NRK: variants seen among roughly 807,000 people sequenced by gnomAD.
NRK encodes the protein Nik related kinase.
NRK carries 67 observed loss-of-function variants against 125.2 expected under a neutral mutation model. The ratio of observed to expected loss-of-function variants is 0.54; its 90% CI spans 0.44 to 0.66. The LOEUF is 0.66. Ranked by LOEUF, NRK falls within the 30% of genes least tolerant of loss-of-function variation. NRK has a pLI of 0.00. For missense variants in NRK, 1,224 were observed against 1,192.9 expected (o/e 1.03, Z -0.38); for synonymous variants, 458 against 429.0 (o/e 1.07, Z -0.84).
At position 105,935,116 on chromosome X, in the gene NRK, A is replaced by G. The variant is rs1602690932; in HGVS notation, c.3500-54A>G. 5 of 979,890 alleles carry G rather than the reference A, an allele frequency of 5.1e-6. No homozygotes were observed. The East Asian group carries it at 1.2e-4, about 24-fold the overall frequency. The allele number at this position is 979,890 out of a possible 1,213,427, so 80.8% of individuals were successfully genotyped here. A position where few individuals can be genotyped will look rare whatever the true frequency, so the allele number is the denominator to read the frequency against. ...CTTTAAAAAAAAATTCTGTAACTCC[A>G]TCATGCACAGAACTAGTAATTTCCC... On this transcript the variant is annotated intron_variant, in intron 20 of 28. Coordinates refer to ENST00000243300, the MANE Select transcript of NRK (RefSeq NM_198465.4).
chrX:105,843,698 G>A (rs1223445002), intron 2 of NRK, among the ~76,000 whole-genome samples: 1 of 111,406 alleles, frequency 9.0e-6, no homozygotes, highest in Non-Finnish European at 1.9e-5. Flanking sequence ...CCAAGTATAA[G>A]GATGGCTTCA....
At chrX:105,928,034 CT>C (rs1477077277) in intron 19 of NRK, among the ~76,000 whole-genome samples, 1 of 111,496 alleles carries the variant, frequency 9.0e-6, no homozygotes, top group African/African-American at 3.3e-5. Flanking sequence ...ATTCCCTTCC[CT>C]TCAACTTTTT....
At chrX:105,955,057 A>T (rs1486125446) in intron 28 of NRK, among the ~76,000 whole-genome samples, 2 of 111,784 alleles carry the variant, frequency 1.8e-5, no homozygotes, top group African/African-American at 6.5e-5. Flanking sequence ...ATGAAAAGAA[A>T]AAAAAAGAAA....
intron 24 of NRK, among the ~76,000 whole-genome samples, chrX:105,944,582 C>T (rs887181512): frequency 9.0e-6 from 1 of 111,484 alleles, no homozygotes; most frequent in East Asian, 2.8e-4. Context: ...CAAACACAGG[C>T]TTTGGGTGCC....
At chrX:105,824,544 A>G (rs1018313052) in intron 1 of NRK, among the ~76,000 whole-genome samples, 7 of 109,025 alleles carry the variant, frequency 6.4e-5, no homozygotes, top group African/African-American at 2.0e-4. Flanking sequence ...GGTGAGTGGT[A>G]AAGACGTCAT....
chrX:105,870,292 A>G (rs1051756934), intron 2 of NRK, among the ~76,000 whole-genome samples: 1 of 111,537 alleles, frequency 9.0e-6, no homozygotes, highest in African/African-American at 3.3e-5. Context: ...GTGTTATCAG[A>G]GGGTTTGAAA....
intron 2 of NRK, among the ~76,000 whole-genome samples, chrX:105,840,361 G>T (rs1424183075): frequency 9.0e-6 from 1 of 111,623 alleles, no homozygotes; most frequent in Non-Finnish European, 1.9e-5. Context: ...TATGTATTTG[G>T]TGTATTTGGG....
intron 16 of NRK, among the ~76,000 whole-genome samples, chrX:105,918,371 T>C (rs1414849060): frequency 9.0e-6 from 1 of 111,185 alleles, no homozygotes; most frequent in African/African-American, 3.3e-5. Context: ...AAGGGAAAAA[T>C]GGCTGATTGA....
At chrX:105,884,437 A>G (rs140473489) in intron 4 of NRK, among the ~76,000 whole-genome samples, 10 of 111,512 alleles carry the variant, frequency 9.0e-5, no homozygotes, top group African/African-American at 2.9e-4. Context: ...TACAGAGCCT[A>G]GTGCACTGCT....
intron 2 of NRK, among the ~76,000 whole-genome samples, chrX:105,862,555 C>A (rs1371622074): frequency 8.9e-6 from 1 of 112,163 alleles, no homozygotes; most frequent in Non-Finnish European, 1.9e-5. Flanking sequence ...CTCTGAAGTT[C>A]TTTCTTCCTC....
intron 19 of NRK, among the ~76,000 whole-genome samples, chrX:105,925,819 A>C (rs755548503): frequency 1.7e-4 from 19 of 111,137 alleles, no homozygotes; most frequent in Non-Finnish European, 3.4e-4. Flanking sequence ...TTCTGTATAT[A>C]TGTCATGTTT....
rs746202742 is a variant in NRK, at chrX:105,953,088, G to A, written c.4568G>A (p.Arg1523His). 1.3e-5 allele frequency: 16 copies of A among 1,195,176 alleles called. No individual in the cohort carries two copies. The highest frequency in any genetic ancestry group is 5.3e-5 in the African/African-American group (3 of 57,018). ...TGGGGCCAAAAGGCCATTGAAGTGC[G>A]CTCTTTGCAATCCAGGGTTCTGGAA... is the stretch of plus-strand genomic sequence containing the variant. ...TGWGQKAIEV[R>H]SLQSRVLESE... The change falls in exon 28 of 29, where the codon CGC becomes CAC. Residue 1523 changes from arginine (R) to histidine (H), a missense_variant. By Grantham distance (29) the Arg-to-His change is conservative. Transcript: ENST00000243300.
chrX:105,937,765 T>C (rs1261359009), intron 22 of NRK, among the ~76,000 whole-genome samples, 183 bp downstream of exon 22: 1 of 111,647 alleles, frequency 9.0e-6, no homozygotes, highest in African/African-American at 3.3e-5. Flanking sequence ...TAACTTCCTT[T>C]TATTGTAAAG....
chrX:105,828,799 GC>G (rs2039148848), intron 1 of NRK, among the ~76,000 whole-genome samples: 1 of 111,596 alleles, frequency 9.0e-6, no homozygotes, highest in Admixed American at 9.5e-5. Context: ...AAAGTGATAT[GC>G]TTAATAATAA....
chrX:105,844,035 G>GTGTGTGTGTC (rs2039369359), intron 2 of NRK, among the ~76,000 whole-genome samples: 1 of 107,384 alleles, frequency 9.3e-6, no homozygotes, highest in African/African-American at 3.4e-5. Context: ...GTGTGTGTGT[G>GTGTGTGTGTC]TGTGTGTCTG....
chrX:105,881,773 A>G lies in NRK; in HGVS notation c.246A>G (p.Arg82=). Residue 82 remains arginine, a synonymous_variant, in exon 4 of 29, where the codon AGA becomes AGG. Transcript: ENST00000243300. ...VNKYQKSVGW[R]YSDEEEDLRT... ...AATATCAAAAATCTGTTGGGTGGAG[A>G]TACAGTGTGAGTACTAAAAGTTCTC... 1.8e-6 allele frequency: 2 copies of G among 1,105,745 alleles called. No individual in the cohort carries two copies. Among genetic ancestry groups the G allele is most frequent in the Non-Finnish European group, 2.5e-6 (2 of 815,839 alleles). 91.1% of individuals were successfully genotyped at this position (1,105,745 alleles called of 1,213,427 possible).
intron 5 of NRK, 47 bp from the exon 6 acceptor site, chrX:105,893,785 C>A: frequency 1.3e-6 from 1 of 788,227 alleles, no homozygotes; most frequent in Non-Finnish European, 1.9e-6. Flanking sequence ...CAGATATTTT[C>A]AGAAAATTGG....
chrX:105,826,114 GAT>G (rs760912366), intron 1 of NRK, among the ~76,000 whole-genome samples: 89 of 88,882 alleles, frequency 1.0e-3, no homozygotes, highest in Non-Finnish European at 1.3e-3. Context: ...ATGTTTGGGT[GAT>G]ATATATATAT....
At chrX:105,897,711 A>G (rs1380746422) in intron 7 of NRK, among the ~76,000 whole-genome samples, 3 of 112,248 alleles carry the variant, frequency 2.7e-5, no homozygotes, top group Admixed American at 9.4e-5. Context: ...ACAACACCCA[A>G]TGGTGATCTT....
Sources: allele counts gnomAD v4.1 joint callset (sites outside exome capture counted in the v4.1 genomes callset), GRCh38; gene constraint gnomAD v4.1.1; transcripts MANE v1.5; gene names NCBI Gene and HGNC (gene_info 2026-07-23, HGNC 2026-07-21).